The following PRELID2 variants were observed in gnomAD, a reference collection of about 807,000 sequenced individuals.
The protein encoded by PRELID2 is PRELI domain-containing protein 2.
Under a neutral mutation model 28.4 loss-of-function variants are expected in PRELID2, and 25 were observed. The ratio of observed to expected loss-of-function variants is 0.88; its 90% confidence interval spans 0.64 to 1.23. The LOEUF is 1.23. Ranked by LOEUF, PRELID2 falls within the 50% of genes most tolerant of loss-of-function variation. The pLI, the probability that PRELID2 is intolerant of heterozygous loss-of-function variation, is 0.00. For synonymous variants in PRELID2, 76 were observed against 71.6 expected, an observed-to-expected ratio of 1.06 and a Z score of -0.31; for missense variants, 201 against 214.4, an observed-to-expected ratio of 0.94 and a Z score of 0.39.
intron 1 of PRELID2, among the ~76,000 whole-genome samples, chr5:145,564,917 G>T (rs1321382452): frequency 6.6e-6 from 1 of 152,096 alleles, no homozygotes; most frequent in African/African-American, 2.4e-5. Flanking sequence ...AACCCTTCAG[G>T]CTTCCTGCGC....
At chr5:145,817,200 T>A (rs7719973) in intron 4 of PRELID2, among the ~76,000 whole-genome samples, 5,405 of 52,032 alleles carry the variant, frequency 0.1, 512 homozygotes, top group Non-Finnish European at 0.13. Flanking sequence ...CAAAAAAAAA[T>A]AAATAAATAA....
At chr5:145,692,764 T>C (rs1305674935) in intron 1 of PRELID2, among the ~76,000 whole-genome samples, 1 of 152,236 alleles carries the variant, frequency 6.6e-6, no homozygotes, top group Non-Finnish European at 1.5e-5. Flanking sequence ...AAGCAAGATC[T>C]TTGTTTGGCT....
chr5:145,741,789 A>ATAAG (rs1303035431), intron 1 of PRELID2, among the ~76,000 whole-genome samples: 73 of 121,588 alleles, frequency 6.0e-4, no homozygotes, highest in Non-Finnish European at 9.2e-4. Context: ...TTATTTATAA[A>ATAAG]GTATTTATAT....
chr5:145,390,126 T>C, the PRELID2 span, among the ~76,000 whole-genome samples: 1 of 152,100 alleles, frequency 6.6e-6, no homozygotes. Context: ...TGGAAGTACA[T>C]AGGAAAGACA....
intron 1 of PRELID2, among the ~76,000 whole-genome samples, chr5:145,747,090 C>T (rs1205412030): frequency 6.6e-6 from 1 of 151,830 alleles, no homozygotes; most frequent in Non-Finnish European, 1.5e-5. Flanking sequence ...AGAAAGATCT[C>T]AAATCAACAC....
At chr5:145,710,419 T>C (rs939451373) in intron 1 of PRELID2, among the ~76,000 whole-genome samples, 3 of 152,166 alleles carry the variant, frequency 2.0e-5, no homozygotes, top group Non-Finnish European at 4.4e-5. Context: ...TTTTTCCCTT[T>C]TTCAAAAAGG....
the PRELID2 span, among the ~76,000 whole-genome samples, chr5:145,235,518 AC>A: frequency 6.6e-6 from 1 of 152,128 alleles, no homozygotes; most frequent in African/African-American, 2.4e-5. Flanking sequence ...AAGAATTGGC[AC>A]TCAAATCGTC....
chr5:145,384,037 C>G, the PRELID2 span, among the ~76,000 whole-genome samples: 1 of 152,026 alleles, frequency 6.6e-6, no homozygotes, highest in Non-Finnish European at 1.5e-5. Flanking sequence ...GGTATACTAA[C>G]GGCCAGTATG....
chr5:145,749,975 G>A (rs546472347), intron 1 of PRELID2, among the ~76,000 whole-genome samples: 6 of 151,884 alleles, frequency 4.0e-5, no homozygotes, highest in Admixed American at 3.9e-4. Flanking sequence ...GTGGTGGGGG[G>A]CAAGGGGAGG....
intron 4 of PRELID2, among the ~76,000 whole-genome samples, chr5:145,817,181 A>G (rs1754366839): frequency 1.6e-5 from 2 of 125,776 alleles, no homozygotes; most frequent in South Asian, 2.8e-4. Flanking sequence ...ACAGAGCAAG[A>G]CTGCATTTCA....
the PRELID2 span, among the ~76,000 whole-genome samples, chr5:145,404,037 T>C: frequency 1.4e-4 from 21 of 152,280 alleles, no homozygotes; most frequent in African/African-American, 3.4e-4. Context: ...ATCTCATTTG[T>C]AGATGGCAGC....
intron 1 of PRELID2, among the ~76,000 whole-genome samples, chr5:145,620,828 C>A (rs1463113941): frequency 6.6e-6 from 1 of 151,890 alleles, no homozygotes; most frequent in Non-Finnish European, 1.5e-5. Flanking sequence ...CTGTTACACA[C>A]ACACACACAC....
chr5:145,462,018 C>T, the PRELID2 span, among the ~76,000 whole-genome samples: 3 of 152,148 alleles, frequency 2.0e-5, no homozygotes, highest in Admixed American at 1.3e-4. Context: ...CCTAGTCTAA[C>T]CTGAATAATA....
chr5:145,299,216 C>T, the PRELID2 span, among the ~76,000 whole-genome samples: 1 of 152,068 alleles, frequency 6.6e-6, no homozygotes, highest in Non-Finnish European at 1.5e-5. Flanking sequence ...GTTAACATAA[C>T]AATATCATTC....
At chr5:145,467,275 C>T (rs1194218851), downstream of PRELID2, among the ~76,000 whole-genome samples, 1 of 152,104 alleles carries the variant, frequency 6.6e-6, no homozygotes, top group Non-Finnish European at 1.5e-5. Context: ...CTGGAAGCCT[C>T]CATCTGCATC....
chr5:145,379,748 A>G, the PRELID2 span, among the ~76,000 whole-genome samples: 2 of 152,172 alleles, frequency 1.3e-5, no homozygotes, highest in East Asian at 3.9e-4. Flanking sequence ...ATAAGGAGGG[A>G]GCATGAAGGC....
chr5:145,504,344 T>C (rs764628901), intron 1 of PRELID2, among the ~76,000 whole-genome samples: 1 of 152,166 alleles, frequency 6.6e-6, no homozygotes, highest in Non-Finnish European at 1.5e-5. Flanking sequence ...TTTATTAGAG[T>C]AACTGGCCCA....
chr5:145,290,154 A>G, the PRELID2 span, among the ~76,000 whole-genome samples: 1 of 152,180 alleles, frequency 6.6e-6, no homozygotes, highest in African/African-American at 2.4e-5. Flanking sequence ...TGTTGGTGGG[A>G]CTGTAAACTA....
At chr5:145,552,336 T>C (rs1474197853) in intron 1 of PRELID2, among the ~76,000 whole-genome samples, 6 of 152,124 alleles carry the variant, frequency 3.9e-5, no homozygotes, top group African/African-American at 1.4e-4. Flanking sequence ...AGCCTATTTG[T>C]TTGGGAACAG....
Sources: allele counts gnomAD v4.1 joint callset (sites outside exome capture counted in the v4.1 genomes callset), GRCh38; gene constraint gnomAD v4.1.1; transcripts MANE v1.5; gene names NCBI Gene and HGNC (gene_info 2026-07-23, HGNC 2026-07-21).